The following DTNA variants were observed in gnomAD, a reference collection of about 807,000 sequenced individuals.
The protein encoded by DTNA is dystrophin-related protein 3.
DTNA carries 43 observed loss-of-function variants against 100.7 expected under a neutral mutation model. That is an observed-to-expected ratio of 0.43 (90% CI 0.33 to 0.55). The LOEUF (loss-of-function observed/expected upper bound fraction) is 0.55, where lower values mean the gene tolerates loss of function less well. Among genes scored for constraint, DTNA ranks in the 20% least tolerant of loss-of-function variants. The probability of loss-of-function intolerance (pLI) is 0.04; values close to 1 mark genes in which losing one functional copy is unlikely to be tolerated. For missense variants in DTNA, 798 were observed against 953.9 expected, an observed-to-expected ratio of 0.84 and a Z score of 2.15; for synonymous variants, 349 against 347.9, an observed-to-expected ratio of 1.00 and a Z score of -0.04.
intron 1 of DTNA, among the ~76,000 whole-genome samples, chr18:34,496,902 A>G (rs1488757566): frequency 2.0e-5 from 3 of 152,178 alleles, no homozygotes; most frequent in African/African-American, 2.4e-5. Flanking sequence ...TATGTTCTGA[A>G]TCAGAGATGT....
intron 1 of DTNA, among the ~76,000 whole-genome samples, chr18:34,750,802 G>A (rs533464870): frequency 2.5e-3 from 378 of 152,288 alleles, no homozygotes; most frequent in Non-Finnish European, 4.6e-3. Flanking sequence ...TATATCATGC[G>A]TAATAGTAAT....
intron 3 of DTNA, among the ~76,000 whole-genome samples, chr18:34,791,840 C>T (rs2094758374): frequency 6.6e-6 from 1 of 152,094 alleles, no homozygotes; most frequent in African/African-American, 2.4e-5. Context: ...CCACTTTTTA[C>T]TCTATGCATT....
intron 21 of DTNA, 121 bp downstream of exon 21, chr18:34,882,322 A>C: frequency 7.8e-7 from 1 of 1,283,710 alleles, no homozygotes; most frequent in Non-Finnish European, 1.1e-6. Flanking sequence ...TTCAAAATAC[A>C]CTGATTTCAC....
At chr18:34,622,407 A>T (rs1223078048) in intron 1 of DTNA, among the ~76,000 whole-genome samples, 1 of 152,198 alleles carries the variant, frequency 6.6e-6, no homozygotes, top group Non-Finnish European at 1.5e-5. Flanking sequence ...TTTAGTAAAA[A>T]GTGCTACGGT....
chr18:34,498,382 G>A (rs1287871890), intron 1 of DTNA, among the ~76,000 whole-genome samples: 3 of 150,960 alleles, frequency 2.0e-5, no homozygotes, highest in Non-Finnish European at 2.9e-5. Context: ...GCAGTGAGCC[G>A]AGATCGCGCC....
At chr18:34,510,702 T>A (rs1199244849) in intron 1 of DTNA, among the ~76,000 whole-genome samples, 2 of 151,208 alleles carry the variant, frequency 1.3e-5, no homozygotes, top group African/African-American at 4.9e-5. Context: ...GGGGGGTTTG[T>A]TAAAAGTACA....
chr18:34,621,921 G>A (rs1420555317), intron 1 of DTNA, among the ~76,000 whole-genome samples: 1 of 152,012 alleles, frequency 6.6e-6, no homozygotes, highest in Non-Finnish European at 1.5e-5. Flanking sequence ...ATTGTACATA[G>A]TATACGATTT....
chr18:34,848,861 A>G (rs892814781), intron 14 of DTNA, among the ~76,000 whole-genome samples: 1 of 152,246 alleles, frequency 6.6e-6, no homozygotes, highest in Non-Finnish European at 1.5e-5. Flanking sequence ...TTCAGAATTC[A>G]TCTGTGCTGA....
chr18:34,600,947 C>G (rs564089207), intron 1 of DTNA, among the ~76,000 whole-genome samples: 6 of 152,334 alleles, frequency 3.9e-5, no homozygotes, highest in African/African-American at 1.2e-4. Context: ...ATTCCCTTAG[C>G]CAAAGCATGC....
intron 1 of DTNA, among the ~76,000 whole-genome samples, chr18:34,711,122 CTT>C (rs1262444347): frequency 1.3e-5 from 2 of 152,042 alleles, no homozygotes; most frequent in African/African-American, 4.8e-5. Flanking sequence ...AAAATGAACT[CTT>C]TTGCTTAGAG....
At chr18:34,720,719 G>A (rs2085107135) in intron 1 of DTNA, among the ~76,000 whole-genome samples, 1 of 152,166 alleles carries the variant, frequency 6.6e-6, no homozygotes, top group South Asian at 2.1e-4. Flanking sequence ...AGAGAGAGTG[G>A]AAGGATCAGC....
At chr18:34,509,940 A>G (rs928781608) in intron 1 of DTNA, among the ~76,000 whole-genome samples, 3 of 152,070 alleles carry the variant, frequency 2.0e-5, no homozygotes, top group African/African-American at 7.2e-5. Context: ...AGTGAACCCA[A>G]AGGAAATGGT....
intron 9 of DTNA, among the ~76,000 whole-genome samples, chr18:34,826,146 T>C (rs1435307606): frequency 1.3e-5 from 2 of 152,232 alleles, no homozygotes; most frequent in East Asian, 3.8e-4. Context: ...ATCCAACAGA[T>C]GACATGTCTT....
intron 1 of DTNA, among the ~76,000 whole-genome samples, chr18:34,716,235 T>C (rs1392597817): frequency 6.6e-6 from 1 of 152,114 alleles, no homozygotes; most frequent in Non-Finnish European, 1.5e-5. Flanking sequence ...AGAAAACACA[T>C]GAGCTCGTAT....
chr18:34,651,655 A>G (rs191954512), intron 1 of DTNA, among the ~76,000 whole-genome samples: 1 of 152,340 alleles, frequency 6.6e-6, no homozygotes, highest in East Asian at 1.9e-4. Flanking sequence ...ATGGAAAACT[A>G]ATAATAAAAT....
At position 34,875,162 on chromosome 18, in the gene DTNA, C is replaced by T; in HGVS notation, c.1744-77C>T. On this transcript the variant is annotated intron_variant, in intron 17 of 22. Transcript: ENST00000444659. ...GAAATTTCATTGTCACTGTTTTCAA[C>T]AATCAACTGAGGCATTGGGGATGAC... 5 of 1,572,414 alleles carry T rather than the reference C, an allele frequency of 3.2e-6. No individual in the cohort carries two copies. The South Asian group carries it at 4.6e-5, about 14-fold the overall frequency.
At chr18:34,767,353 C>T (rs1940094165) in intron 3 of DTNA, among the ~76,000 whole-genome samples, 1 of 152,114 alleles carries the variant, frequency 6.6e-6, no homozygotes, top group Non-Finnish European at 1.5e-5. Flanking sequence ...ATGCAAAGTA[C>T]GCATCTATTC....
At chr18:34,817,848 A>G (rs1159065205) in intron 7 of DTNA, 2 of 891,494 alleles carry the variant, frequency 2.2e-6, no homozygotes, top group Non-Finnish European at 3.0e-6. Flanking sequence ...TTTGGGGTAA[A>G]GGCAAGTCTG....
chr18:34,592,543 A>G (rs2049857930), intron 1 of DTNA, among the ~76,000 whole-genome samples: 1 of 151,418 alleles, frequency 6.6e-6, no homozygotes, highest in African/African-American at 2.4e-5. Context: ...TTTGCAAGAC[A>G]GTCCTGAAAA....
Sources: allele counts gnomAD v4.1 joint callset (sites outside exome capture counted in the v4.1 genomes callset), GRCh38; gene constraint gnomAD v4.1.1; transcripts MANE v1.5; gene names NCBI Gene and HGNC (gene_info 2026-07-23, HGNC 2026-07-21).